The following FANCD2 variants were observed in gnomAD, a reference collection of about 807,000 sequenced individuals.
FANCD2 encodes the protein Fanconi anemia group D2 protein.
Under a neutral mutation model 192.3 loss-of-function variants are expected in FANCD2, and 131 were observed. That is an observed-to-expected ratio of 0.68 (90% CI 0.59 to 0.79). The LOEUF is 0.79. FANCD2 is among the 30% of genes least tolerant of loss of function. The probability of loss-of-function intolerance (pLI) is 0.00; values close to 1 mark genes in which losing one functional copy is unlikely to be tolerated. For missense variants in FANCD2, 1,508 were observed against 1,701.6 expected (o/e 0.89, Z 2.00); for synonymous variants, 524 against 612.5 (o/e 0.86, Z 2.13).
chr3:10,095,583 G>A (rs1198995913), intron 41 of FANCD2, among the ~76,000 whole-genome samples: 1 of 152,232 alleles, frequency 6.6e-6, no homozygotes, highest in African/African-American at 2.4e-5. Flanking sequence ...GGACTGTGAT[G>A]TAAGTGATGA....
intron 8 of FANCD2, 59 bp downstream of exon 8, chr3:10,039,416 G>A (rs2086809239): frequency 7.1e-7 from 1 of 1,414,242 alleles, no homozygotes. Flanking sequence ...ATCTTTTGGA[G>A]GTTGTATTTT....
intron 32 of FANCD2, among the ~76,000 whole-genome samples, chr3:10,081,682 G>C (rs35480284): frequency 9.9e-5 from 15 of 152,270 alleles, no homozygotes; most frequent in African/African-American, 3.6e-4. Flanking sequence ...TGACAGATTA[G>C]GTGACTTGCT....
intron 18 of FANCD2, 27 bp downstream of exon 18, chr3:10,052,524 T>G: frequency 2.9e-6 from 4 of 1,398,378 alleles, no homozygotes; most frequent in Non-Finnish European, 3.0e-6. Flanking sequence ...TGGGAAAGAT[T>G]TTTTTTTTTT....
intron 30 of FANCD2, 36 bp from the exon 31 acceptor site, chr3:10,081,064 G>A: frequency 6.2e-7 from 1 of 1,613,416 alleles, no homozygotes; most frequent in South Asian, 1.1e-5. Flanking sequence ...ACGCTATCCA[G>A]CAGTTTCTTC....
intron 41 of FANCD2, 144 bp downstream of exon 41, chr3:10,095,418 T>C (rs1694894926): frequency 4.2e-6 from 3 of 715,414 alleles, no homozygotes; most frequent in Admixed American, 2.0e-5. Flanking sequence ...AGCAAATCCT[T>C]AGTTGCTCCT....
intron 3 of FANCD2, 140 bp from the exon 4 acceptor site, chr3:10,034,329 A>C: frequency 4.9e-6 from 3 of 611,714 alleles, no homozygotes; most frequent in Non-Finnish European, 5.7e-6. Context: ...CATCTCAAAA[A>C]AAAAAAAAAA....
chr3:10,039,471 T>C (rs546351552), intron 8 of FANCD2, 114 bp downstream of exon 8: 5 of 1,025,606 alleles, frequency 4.9e-6, no homozygotes, highest in African/African-American at 1.6e-5. Flanking sequence ...ATCCATCCAT[T>C]AGCTTTTTCC....
chr3:10,050,259 C>T (rs1335102815), intron 17 of FANCD2, among the ~76,000 whole-genome samples: 3 of 151,936 alleles, frequency 2.0e-5, no homozygotes, highest in Admixed American at 6.6e-5. Context: ...ATTTTGGTCA[C>T]GGGAATGTAG....
chr3:10,074,398 G>A (rs1414978988), intron 28 of FANCD2, 132 bp from the exon 29 acceptor site: 3 of 792,790 alleles, frequency 3.8e-6, no homozygotes, highest in African/African-American at 3.5e-5. Context: ...TGGGCTAGAG[G>A]AAGTTGTTAT....
At chr3:10,034,839 G>C in intron 5 of FANCD2, 41 bp downstream of exon 5, 1 of 1,443,270 alleles carries the variant, frequency 6.9e-7, no homozygotes, top group South Asian at 1.2e-5. Context: ...AATTCAGTCT[G>C]TTTTGCCAAC....
chr3:10,034,493 AG>A lies in FANCD2; in HGVS notation c.231del (p.Lys78SerfsTer6). 6.2e-7 allele frequency: 1 copy of A among 1,613,332 alleles called. No homozygotes were observed. Among genetic ancestry groups the A allele is most frequent in the Non-Finnish European group, 8.5e-7 (1 of 1,179,346 alleles). ...GCTGTGGATCAAATAGCTTTCCAAAAGAAGCTCTTTCAGACCCTGAGGAGAC... is the reference window on the plus strand; with the variant it reads ...GCTGTGGATCAAATAGCTTTCCAAAAAAGCTCTTTCAGACCCTGAGGAGAC... Reference protein sequence around the residue: ...QLAVDQIAFQKKLFQTLRRHP... With the variant: ...QLAVDQIAFQXKLFQTLRRHP... On this transcript the variant is annotated frameshift_variant, in exon 4 of 44. Coordinates refer to ENST00000675286, the MANE Select transcript of FANCD2 (RefSeq NM_001018115.3). LOFTEE classifies it high-confidence loss of function.
At chr3:10,076,524 G>T (rs1693554353) in intron 29 of FANCD2, among the ~76,000 whole-genome samples, 1 of 152,022 alleles carries the variant, frequency 6.6e-6, no homozygotes, top group Admixed American at 6.6e-5. Flanking sequence ...TATATGAGAT[G>T]GGTGCAGTTT....
chr3:10,082,034 C>A (rs1559400167), intron 32 of FANCD2, among the ~76,000 whole-genome samples: 1 of 152,200 alleles, frequency 6.6e-6, no homozygotes, highest in Non-Finnish European at 1.5e-5. Context: ...AATTTATTTT[C>A]TGAGCTATAG....
chr3:10,058,263 T>C, intron 18 of FANCD2: 1 of 189,094 alleles, frequency 5.3e-6, no homozygotes, highest in East Asian at 1.5e-4. Context: ...ACAAAAATCT[T>C]CTTACCTTTC....
Position 10,078,062 on chromosome 3 carries a change from C to T in FANCD2, c.2860-19C>T. Reference sequence around the variant, plus strand: ...TGACTAGGACATTCCTGGAACTAATCCTTTCCTCCATGTGACAGGCTACAG... The same window carrying T: ...TGACTAGGACATTCCTGGAACTAATTCTTTCCTCCATGTGACAGGCTACAG... On this transcript the variant is annotated intron_variant, in intron 29 of 43. Coordinates refer to ENST00000675286, the MANE Select transcript of FANCD2 (RefSeq NM_001018115.3). 2.6e-6 allele frequency: 4 copies of T among 1,516,730 alleles called. No individual in the cohort carries two copies. The highest frequency in any genetic ancestry group is 1.1e-5 in the South Asian group (1 of 89,042). 94.0% of individuals were successfully genotyped at this position (1,516,730 alleles called of 1,614,324 possible). A position where few individuals can be genotyped will look rare whatever the true frequency, so the allele number is the denominator to read the frequency against.
chr3:10,036,188 A>G lies in FANCD2; in HGVS notation c.439-99A>G, dbSNP rs1036189029. 36 of 943,174 alleles carry G rather than the reference A, an allele frequency of 3.8e-5. No individual in the cohort carries two copies. In the African/African-American group the frequency reaches 4.3e-4, roughly 11 times the overall value. The allele number at this position is 943,174 out of a possible 1,614,324, so 58.4% of individuals were successfully genotyped here. ...TGCAATCTCTGCCTTCCCCAGGTCC[A>G]AGAGGTTCTCGTGCCTCAGCCTCCC... On this transcript the variant is annotated intron_variant, in intron 6 of 43. Coordinates refer to ENST00000675286, the MANE Select transcript of FANCD2 (RefSeq NM_001018115.3).
At chr3:10,073,963 T>G (rs938612455) in intron 28 of FANCD2, among the ~76,000 whole-genome samples, 6 of 152,118 alleles carry the variant, frequency 3.9e-5, no homozygotes, top group African/African-American at 1.4e-4. Flanking sequence ...TTTTTGTTTT[T>G]GAGATGGAGT....
Position 10,094,290 on chromosome 3 carries a change from A to T in FANCD2, c.3890A>T (p.Tyr1297Phe), listed in dbSNP as rs780319584. ...TAACAGTGTGTCTCTCTTCTTCAGT[A>T]TGGGCGTCTCTTTGTGGAAGCATTT... ...SHPVLHVCLK[Y>F]GRLFVEAFLK... Residue 1297 changes from tyrosine (Y) to phenylalanine (F), a missense_variant and splice_region_variant, in exon 40 of 44, where the codon TAT becomes TTT. Physicochemically the swap from Tyr to Phe is conservative, Grantham distance 22. Around this residue, in one of 5 missense-constraint regions of FANCD2, gnomAD observed 796 missense variants for 879.4 expected, o/e 0.91. Transcript: ENST00000675286. The T allele has an allele frequency of 1.9e-6, 3 of 1,613,722 alleles. No individual in the cohort carries two copies. In the South Asian group the frequency reaches 3.3e-5, roughly 18 times the overall value.
Position 10,090,378 on chromosome 3 carries a change from C to T in FANCD2, c.3770C>T (p.Ser1257Leu), listed in dbSNP as rs374940277. 2.3e-5 allele frequency: 37 copies of T among 1,604,914 alleles called. No homozygotes were observed. The highest frequency in any genetic ancestry group is 5.0e-5 in the Admixed American group (3 of 59,736). Reference protein sequence around the residue: ...KKIEPGTAADSQQIHEEKLLY... With the variant: ...KKIEPGTAADLQQIHEEKLLY... ...ATTGAGCCTGGCACAGCAGCAGACT[C>T]GCAGCAGGTGAGTAAGATAATAGTC... The change falls in exon 37 of 44, where the codon TCG becomes TTG. Residue 1257 changes from serine (S) to leucine (L), a missense_variant. Transcript: ENST00000675286.
Sources: gnomAD v4.1 joint callset for allele counts (sites outside exome capture counted in the v4.1 genomes callset) on GRCh38, gnomAD v4.1.1 for gene constraint, gnomAD v4.1.1 regional missense constraint, MANE v1.5 for transcripts, NCBI Gene and HGNC (gene_info 2026-07-23, HGNC 2026-07-21) for gene names.